CDH6: variants seen among roughly 807,000 people sequenced by gnomAD.
CDH6 encodes the protein cadherin 6.
A neutral mutation model predicts 78.0 loss-of-function variants in CDH6; 31 were observed. The observed-to-expected ratio is 0.40, with a 90% confidence interval of 0.30 to 0.54. CDH6 has a LOEUF of 0.54. Ranked by LOEUF, CDH6 falls within the 20% of genes least tolerant of loss-of-function variation. CDH6 has a pLI of 0.56. For missense variants in CDH6, 724 were observed against 975.9 expected, an observed-to-expected ratio of 0.74 and a Z score of 3.44; for synonymous variants, 376 against 368.8, an observed-to-expected ratio of 1.02 and a Z score of -0.23.
At chr5:31,229,246 A>G (rs1212669631) in intron 1 of CDH6, among the ~76,000 whole-genome samples, 1 of 152,256 alleles carries the variant, frequency 6.6e-6, no homozygotes, top group Non-Finnish European at 1.5e-5. Flanking sequence ...CTGCAAGCCT[A>G]CTGGTTTGAC....
intron 1 of CDH6, among the ~76,000 whole-genome samples, chr5:31,201,610 T>A (rs934965504): frequency 6.6e-6 from 1 of 152,166 alleles, no homozygotes; most frequent in African/African-American, 2.4e-5. Context: ...AAAATTTAAA[T>A]TTGGCAAGTA....
intron 7 of CDH6, among the ~76,000 whole-genome samples, chr5:31,306,551 C>A (rs1008703568): frequency 9.9e-5 from 15 of 152,270 alleles, no homozygotes; most frequent in Admixed American, 9.8e-4. Flanking sequence ...GGGCAGATCA[C>A]TTGAGGTCAG....
At chr5:31,268,060 A>G (rs960638009) in intron 2 of CDH6, among the ~76,000 whole-genome samples, 15 of 152,166 alleles carry the variant, frequency 9.9e-5, no homozygotes, top group African/African-American at 3.4e-4. Flanking sequence ...TAAGGAAAGG[A>G]AGTCTCCTTT....
chr5:31,300,496 G>A (rs1737736373), intron 5 of CDH6, among the ~76,000 whole-genome samples: 1 of 152,094 alleles, frequency 6.6e-6, no homozygotes, highest in African/African-American at 2.4e-5. Flanking sequence ...ATCAGAGTTA[G>A]CTAAATGCAA....
At chr5:31,306,553 T>G (rs774391722) in intron 7 of CDH6, among the ~76,000 whole-genome samples, 4 of 152,114 alleles carry the variant, frequency 2.6e-5, no homozygotes, top group Admixed American at 1.3e-4. Flanking sequence ...GCAGATCACT[T>G]GAGGTCAGGA....
At chr5:31,245,899 CTTTTTTTT>C (rs71612205) in intron 1 of CDH6, among the ~76,000 whole-genome samples, 5 of 87,714 alleles carry the variant, frequency 5.7e-5, no homozygotes, top group East Asian at 8.7e-4. Context: ...CTCTCTCTCT[CTTTTTTTT>C]TTTTTTTTTT....
At chr5:31,225,467 G>A (rs1741126867) in intron 1 of CDH6, among the ~76,000 whole-genome samples, 2 of 152,096 alleles carry the variant, frequency 1.3e-5, no homozygotes, top group Admixed American at 1.3e-4. Flanking sequence ...AAAGAAAAGA[G>A]GTTTAATTGG....
intron 1 of CDH6, among the ~76,000 whole-genome samples, chr5:31,264,294 A>G (rs149934060): frequency 6.6e-6 from 1 of 152,262 alleles, no homozygotes; most frequent in African/African-American, 2.4e-5. Context: ...ACAAATGAGA[A>G]TAACAACAAT....
intron 1 of CDH6, among the ~76,000 whole-genome samples, chr5:31,224,414 G>A (rs2111837813): frequency 6.6e-6 from 1 of 152,260 alleles, no homozygotes; most frequent in African/African-American, 2.4e-5. Context: ...GTAAGACATG[G>A]ATGATTTTTA....
chr5:31,254,801 T>C (rs1742011206), intron 1 of CDH6, among the ~76,000 whole-genome samples: 1 of 152,270 alleles, frequency 6.6e-6, no homozygotes, highest in African/African-American at 2.4e-5. Context: ...TAACCGGATG[T>C]ATCTTAGAAA....
chr5:31,263,313 CA>C (rs1419942062), intron 1 of CDH6, among the ~76,000 whole-genome samples: 24 of 149,058 alleles, frequency 1.6e-4, no homozygotes, highest in Admixed American at 1.6e-3. Flanking sequence ...GGCTGGAGTG[CA>C]ATAGCATGAT....
chr5:31,261,046 C>G (rs957390290), intron 1 of CDH6, among the ~76,000 whole-genome samples: 2 of 152,144 alleles, frequency 1.3e-5, no homozygotes, highest in African/African-American at 4.8e-5. Flanking sequence ...CTTGAGCAAG[C>G]TTAATTGGCT....
intron 1 of CDH6, among the ~76,000 whole-genome samples, chr5:31,228,832 G>C (rs1186598793): frequency 6.6e-6 from 1 of 152,156 alleles, no homozygotes; most frequent in Non-Finnish European, 1.5e-5. Flanking sequence ...GTTCCTAACA[G>C]GCTGCAGACT....
intron 1 of CDH6, among the ~76,000 whole-genome samples, chr5:31,253,710 T>A (rs1286068830): frequency 3.3e-5 from 5 of 152,138 alleles, no homozygotes; most frequent in Admixed American, 1.3e-4. Flanking sequence ...TAGCACTGTA[T>A]CATATTTAAT....
chr5:31,288,149 G>A lies in CDH6; in HGVS notation c.229-5813G>A, dbSNP rs558119308. On this transcript the variant is annotated intron_variant, in intron 2 of 11. Transcript: ENST00000265071. Reference sequence around the variant, plus strand: ...CTGCTAAACCAGGGACACTGAAGTTGCACCCTTTACATTCACACATATTAC... The same window carrying A: ...CTGCTAAACCAGGGACACTGAAGTTACACCCTTTACATTCACACATATTAC... Among the ~76,000 whole-genome samples the A allele has an allele frequency of 1.2e-4, 18 of 152,294 alleles. No individual in the cohort carries two copies. In the East Asian group the frequency reaches 3.3e-3, roughly 28 times the overall value.
At chr5:31,288,688 G>A (rs1743074008) in intron 2 of CDH6, among the ~76,000 whole-genome samples, 1 of 152,192 alleles carries the variant, frequency 6.6e-6, no homozygotes, top group South Asian at 2.1e-4. Flanking sequence ...TCTCTCTGCT[G>A]TAATTCCTGT....
chr5:31,233,006 C>A (rs145389156), intron 1 of CDH6, among the ~76,000 whole-genome samples: 127 of 152,270 alleles, frequency 8.3e-4, no homozygotes, highest in African/African-American at 2.9e-3. Context: ...AGCCAGTGTG[C>A]AAACCCAGGC....
chr5:31,312,235 T>C (rs1375255358), intron 7 of CDH6, among the ~76,000 whole-genome samples: 1 of 152,222 alleles, frequency 6.6e-6, no homozygotes. Context: ...TCCTGAACTT[T>C]TCTCAGGCAC....
chr5:31,268,354 A>T (rs1196014246), intron 2 of CDH6, among the ~76,000 whole-genome samples: 5 of 152,230 alleles, frequency 3.3e-5, no homozygotes, highest in Admixed American at 2.6e-4. Context: ...CTCTTTCCAA[A>T]TATCATCTGA....
Sources: gnomAD v4.1 joint callset for allele counts (sites outside exome capture counted in the v4.1 genomes callset) on GRCh38, gnomAD v4.1.1 for gene constraint, MANE v1.5 for transcripts, NCBI Gene and HGNC (gene_info 2026-07-23, HGNC 2026-07-21) for gene names.